GALNT13: variants seen among roughly 807,000 people sequenced by gnomAD.
GALNT13 encodes the protein UDP-GalNAc:polypeptide N-acetylgalactosaminyltransferase 13.
GALNT13 carries 28 observed loss-of-function variants against 64.2 expected under a neutral mutation model. The observed-to-expected ratio is 0.44, with a 90% CI of 0.32 to 0.60. The LOEUF is 0.60. Ranked by LOEUF, GALNT13 falls within the 20% of genes least tolerant of loss-of-function variation. The pLI, the probability that GALNT13 is intolerant of heterozygous loss-of-function variation, is 0.05. For missense variants in GALNT13, 577 were observed against 669.8 expected (o/e 0.86, Z 1.53); for synonymous variants, 214 against 224.6 (o/e 0.95, Z 0.42).
chr2:153,773,282 G>A, the GALNT13 span, among the ~76,000 whole-genome samples: 9 of 152,306 alleles, frequency 5.9e-5, no homozygotes, highest in South Asian at 8.3e-4. Context: ...TACCTAGGTC[G>A]GGTGGGCTTT....
intron 8 of GALNT13, among the ~76,000 whole-genome samples, chr2:154,265,464 C>T (rs1690938775): frequency 2.6e-5 from 4 of 151,916 alleles, no homozygotes; most frequent in Admixed American, 6.6e-5. Flanking sequence ...TTTGTGAGGC[C>T]GAGGAGGGCA....
chr2:153,844,775 C>G, the GALNT13 span, among the ~76,000 whole-genome samples: 5 of 152,306 alleles, frequency 3.3e-5, no homozygotes, highest in African/African-American at 1.2e-4. Flanking sequence ...TTAGAAGCAG[C>G]CAGCCACATC....
chr2:153,909,276 G>A (rs1574091515), intron 2 of GALNT13, among the ~76,000 whole-genome samples: 2 of 151,914 alleles, frequency 1.3e-5, no homozygotes, highest in East Asian at 1.9e-4. Flanking sequence ...AGTAATTTTT[G>A]TACATTGACT....
chr2:153,422,324 A>C, the GALNT13 span, among the ~76,000 whole-genome samples: 5 of 152,236 alleles, frequency 3.3e-5, no homozygotes, highest in African/African-American at 1.2e-4. Flanking sequence ...GAAAGAAGGA[A>C]AAACGTAAAG....
intron 11 of GALNT13, among the ~76,000 whole-genome samples, chr2:154,435,385 G>A (rs1700912707): frequency 6.6e-6 from 1 of 152,168 alleles, no homozygotes; most frequent in Non-Finnish European, 1.5e-5. Context: ...TTCAACCACA[G>A]CAAGGACAGG....
chr2:154,207,695 G>C (rs1687539733), intron 4 of GALNT13, among the ~76,000 whole-genome samples: 1 of 152,160 alleles, frequency 6.6e-6, no homozygotes, highest in Non-Finnish European at 1.5e-5. Flanking sequence ...AAGGGACAGG[G>C]AAGAACTGAG....
chr2:154,396,023 G>A lies in GALNT13; in HGVS notation c.1189G>A (p.Val397Ile), dbSNP rs114048422. The A allele has an allele frequency of 5.4e-4, 876 of 1,609,638 alleles. 5 individuals are homozygous for A. The African/African-American group carries it at 0.01, about 19-fold the overall frequency. Residue 397 changes from valine to isoleucine, a missense_variant, in exon 10 of 13, where the codon GTC becomes ATC. Val to Ile is a conservative substitution (Grantham distance 29, BLOSUM62 3). Coordinates refer to ENST00000392825, the MANE Select transcript of GALNT13 (RefSeq NM_052917.4). ...VVKVDYGDVSVRKTLRENLKC... is the reference protein window; with the variant it reads ...VVKVDYGDVSIRKTLRENLKC... ...CAAAGTGGATTATGGAGATGTGTCA[G>A]TCAGAAAAACACTAAGAGAAAATCT...
chr2:153,233,122 T>A, the GALNT13 span, among the ~76,000 whole-genome samples: 29 of 152,306 alleles, frequency 1.9e-4, no homozygotes, highest in African/African-American at 7.0e-4. Flanking sequence ...TTGAATTAGT[T>A]TATAAGATTT....
the GALNT13 span, among the ~76,000 whole-genome samples, chr2:153,803,294 C>T: frequency 6.6e-6 from 1 of 152,102 alleles, no homozygotes; most frequent in South Asian, 2.1e-4. Flanking sequence ...GAAGCCCTAG[C>T]CCCCAATATA....
the GALNT13 span, among the ~76,000 whole-genome samples, chr2:153,076,334 C>T: frequency 6.6e-6 from 1 of 152,054 alleles, no homozygotes; most frequent in African/African-American, 2.4e-5. Context: ...CACTTAGAAG[C>T]TTTCTCTACA....
chr2:153,841,704 T>C, the GALNT13 span, among the ~76,000 whole-genome samples: 1 of 152,202 alleles, frequency 6.6e-6, no homozygotes, highest in Admixed American at 6.6e-5. Context: ...AATGTGCCTA[T>C]GTTTTGAGAA....
At chr2:153,196,661 G>T in the GALNT13 span, among the ~76,000 whole-genome samples, 1 of 151,902 alleles carries the variant, frequency 6.6e-6, no homozygotes. Context: ...TGGGGCAGGG[G>T]CTCCAGGTTC....
the GALNT13 span, among the ~76,000 whole-genome samples, chr2:153,412,261 A>AT: frequency 6.6e-6 from 1 of 152,168 alleles, no homozygotes; most frequent in African/African-American, 2.4e-5. Flanking sequence ...TTGAAAAAAA[A>AT]GCTTGGGTTT....
chr2:154,046,148 A>G (rs1271922493), intron 3 of GALNT13, among the ~76,000 whole-genome samples: 2 of 151,996 alleles, frequency 1.3e-5, no homozygotes, highest in African/African-American at 4.8e-5. Context: ...TCTCTACCAA[A>G]AATAAAAAAA....
the GALNT13 span, among the ~76,000 whole-genome samples, chr2:153,650,292 C>A: frequency 6.6e-6 from 1 of 151,982 alleles, no homozygotes. Context: ...GCAACCCCTG[C>A]CTTTTTTTGT....
chr2:154,161,547 A>G (rs1438765156), intron 4 of GALNT13, among the ~76,000 whole-genome samples: 1 of 152,178 alleles, frequency 6.6e-6, no homozygotes, highest in Admixed American at 6.5e-5. Context: ...TGGATAAATA[A>G]TGATGAGAGT....
chr2:154,440,651 A>G (rs1008473933), intron 12 of GALNT13, among the ~76,000 whole-genome samples: 2 of 152,160 alleles, frequency 1.3e-5, no homozygotes, highest in African/African-American at 4.8e-5. Flanking sequence ...TTTATTTTAA[A>G]TAATTTGATC....
rs1553473035 is a variant in GALNT13 at position 154,062,851 on chromosome 2, T to TG, written c.143-77485dup. Among the ~76,000 whole-genome samples the TG allele has an allele frequency of 1.3e-3, 87 of 65,026 alleles. 1 individual carries two copies. The East Asian group carries it at 0.038, about 28-fold the overall frequency. The allele number at this position is 65,026 out of a possible 152,430, so 42.7% of individuals were successfully genotyped here. On this transcript the variant is annotated intron_variant, in intron 3 of 12. Transcript: ENST00000392825. ...TCAGGATATTTAATTCAACATGGAA[T>TG]GTTTTTTTTTTCATTTTTTGGCTTT...
intron 9 of GALNT13, among the ~76,000 whole-genome samples, chr2:154,383,395 C>T (rs945870533): frequency 4.6e-5 from 7 of 151,402 alleles, no homozygotes; most frequent in African/African-American, 1.7e-4. Flanking sequence ...AACATTCCTG[C>T]TGAAAAAAAA....
Sources: allele counts gnomAD v4.1 joint callset (sites outside exome capture counted in the v4.1 genomes callset), GRCh38; gene constraint gnomAD v4.1.1; transcripts MANE v1.5; gene names NCBI Gene and HGNC (gene_info 2026-07-23, HGNC 2026-07-21).